TXNRD1: variants seen among roughly 807,000 people sequenced by gnomAD.
The protein encoded by TXNRD1 is thioredoxin reductase 1, cytoplasmic.
Under a neutral mutation model 80.3 loss-of-function variants are expected in TXNRD1, and 57 were observed. That is an observed-to-expected ratio of 0.71 (90% CI 0.57 to 0.89). The LOEUF (loss-of-function observed/expected upper bound fraction) is 0.89, where lower values mean the gene tolerates loss of function less well. Ranked by LOEUF, TXNRD1 falls within the 40% of genes least tolerant of loss-of-function variation. The probability of loss-of-function intolerance (pLI) is 0.00; values close to 1 mark genes in which losing one functional copy is unlikely to be tolerated. For missense variants in TXNRD1, 730 were observed against 803.0 expected (o/e 0.91, Z 1.10); for synonymous variants, 291 against 285.2 (o/e 1.02, Z -0.20).
intron 3 of TXNRD1, among the ~76,000 whole-genome samples, chr12:104,269,968 C>T (rs770815908): frequency 4.6e-5 from 7 of 152,100 alleles, no homozygotes; most frequent in Non-Finnish European, 8.8e-5. Flanking sequence ...ACGTTGGCCT[C>T]CCAAAGTGCT....
At chr12:104,228,104 A>T (rs1181621801) in intron 1 of TXNRD1, among the ~76,000 whole-genome samples, 1 of 152,116 alleles carries the variant, frequency 6.6e-6, no homozygotes, top group Non-Finnish European at 1.5e-5. Flanking sequence ...GGAGTTAGAG[A>T]CCAGTCTGAC....
chr12:104,230,498 T>C (rs1047892880), intron 1 of TXNRD1, among the ~76,000 whole-genome samples: 5 of 152,230 alleles, frequency 3.3e-5, no homozygotes, highest in African/African-American at 1.2e-4. Context: ...GTCTATCTTT[T>C]TTATTCTAGC....
chr12:104,218,009 A>AAT (rs1565848633), intron 1 of TXNRD1, among the ~76,000 whole-genome samples: 2 of 151,738 alleles, frequency 1.3e-5, no homozygotes, highest in East Asian at 1.9e-4. Context: ...CACAAAATGG[A>AAT]ATATATATAC....
intron 13 of TXNRD1, 63 bp from the exon 14 acceptor site, chr12:104,331,471 A>C (rs2035943546): frequency 8.8e-7 from 1 of 1,132,804 alleles, no homozygotes; most frequent in African/African-American, 1.6e-5. Context: ...GACTTTTTTG[A>C]ATACCTTTTT....
intron 3 of TXNRD1, chr12:104,262,464 A>C (rs1021318023): frequency 6.6e-6 from 1 of 152,142 alleles, no homozygotes; most frequent in African/African-American, 2.4e-5. Flanking sequence ...CAGTCTTCTA[A>C]GTGCTGGTTT....
intron 16 of TXNRD1, 57 bp downstream of exon 16, chr12:104,339,330 C>T: frequency 1.9e-6 from 3 of 1,606,388 alleles, no homozygotes; most frequent in South Asian, 1.1e-5. Flanking sequence ...CATAGAAGCA[C>T]ACCACCCAGC....
intron 4 of TXNRD1, among the ~76,000 whole-genome samples, chr12:104,291,608 C>T (rs539998438): frequency 7.0e-4 from 107 of 151,812 alleles, no homozygotes; most frequent in African/African-American, 2.4e-3. Context: ...CTCAGCCTCC[C>T]GAGTAGCTGG....
rs1310197266 is a variant in TXNRD1, at chr12:104,348,593, G to T, written c.*172G>T. 4.9e-6 allele frequency: 3 copies of T among 606,788 alleles called. No homozygotes were observed. The highest frequency in any genetic ancestry group is 8.7e-6 in the Non-Finnish European group (3 of 344,160). The allele number at this position is 606,788 out of a possible 1,614,324, so 37.6% of individuals were successfully genotyped here. ...TTGGATAGGAGTTGGTGAATAGAAGGCAGGCAGCATCACACTGGGGTCACT... is the reference window on the plus strand; with the variant it reads ...TTGGATAGGAGTTGGTGAATAGAAGTCAGGCAGCATCACACTGGGGTCACT... On this transcript the variant is annotated 3_prime_UTR_variant, in exon 17 of 17. Transcript: ENST00000525566.
chr12:104,289,759 G>A (rs867519676), intron 4 of TXNRD1, among the ~76,000 whole-genome samples: 1 of 151,348 alleles, frequency 6.6e-6, no homozygotes, highest in Admixed American at 6.6e-5. Context: ...AAACAGTCTT[G>A]CTCTGTCACC....
chr12:104,314,155 G>T (rs994040022), intron 6 of TXNRD1, among the ~76,000 whole-genome samples: 3 of 152,128 alleles, frequency 2.0e-5, no homozygotes, highest in Non-Finnish European at 4.4e-5. Context: ...CAGAGAGGAA[G>T]GCAGGTGTCA....
chr12:104,218,656 TGC>T (rs2135671351), intron 1 of TXNRD1, among the ~76,000 whole-genome samples: 1 of 152,160 alleles, frequency 6.6e-6, no homozygotes, highest in East Asian at 1.9e-4. Flanking sequence ...CTTGCTCTGT[TGC>T]CCAGGCTGGA....
intron 2 of TXNRD1, among the ~76,000 whole-genome samples, chr12:104,257,011 T>C (rs188257865): frequency 8.0e-5 from 12 of 150,154 alleles, no homozygotes; most frequent in African/African-American, 2.7e-4. Context: ...TTTTCCTCAT[T>C]GATCATCTCT....
intron 16 of TXNRD1, 129 bp downstream of exon 16, chr12:104,339,402 T>C (rs750825564): frequency 2.8e-5 from 38 of 1,338,618 alleles, no homozygotes; most frequent in Non-Finnish European, 3.5e-5. Flanking sequence ...GGGCTTTGTC[T>C]CTAAAAATTA....
intron 1 of TXNRD1, among the ~76,000 whole-genome samples, chr12:104,238,131 A>C (rs551827733): frequency 1.4e-3 from 206 of 152,370 alleles, no homozygotes; most frequent in Middle Eastern, 6.8e-3. Flanking sequence ...AAGCGTCATC[A>C]AAATGCAAAT....
chr12:104,293,352 G>A (rs2135755871), intron 4 of TXNRD1, among the ~76,000 whole-genome samples: 1 of 152,326 alleles, frequency 6.6e-6, no homozygotes, highest in Non-Finnish European at 1.5e-5. Context: ...TATTAGGAGA[G>A]ATGACAGGCA....
intron 13 of TXNRD1, among the ~76,000 whole-genome samples, chr12:104,329,218 T>C (rs2035869302): frequency 1.3e-5 from 2 of 152,164 alleles, no homozygotes. Context: ...TTACATCTTG[T>C]ATGCATTGTT....
intron 16 of TXNRD1, among the ~76,000 whole-genome samples, chr12:104,340,134 C>T (rs143885835): frequency 6.6e-6 from 1 of 152,306 alleles, no homozygotes; most frequent in African/African-American, 2.4e-5. Context: ...CGAGAATCCT[C>T]CTCTATTAAT....
chr12:104,340,482 C>T (rs1279909486), intron 16 of TXNRD1, among the ~76,000 whole-genome samples: 3 of 152,118 alleles, frequency 2.0e-5, no homozygotes, highest in Non-Finnish European at 4.4e-5. Context: ...CAAAAAAGTC[C>T]AAACTCAAGA....
intron 3 of TXNRD1, among the ~76,000 whole-genome samples, chr12:104,268,806 C>T (rs1047107151): frequency 2.6e-5 from 4 of 151,136 alleles, no homozygotes; most frequent in Admixed American, 1.3e-4. Context: ...CGTGAGCCAC[C>T]GCACCTGGCG....
Sources: gnomAD v4.1 joint callset for allele counts (sites outside exome capture counted in the v4.1 genomes callset) on GRCh38, gnomAD v4.1.1 for gene constraint, MANE v1.5 for transcripts, NCBI Gene and HGNC (gene_info 2026-07-23, HGNC 2026-07-21) for gene names.